ARHGAP6: variants seen among roughly 807,000 people sequenced by gnomAD.
ARHGAP6 encodes the protein rho GTPase-activating protein 6.
In ARHGAP6, 16 loss-of-function variants were observed where a neutral mutation model predicts 55.7. That is an observed-to-expected ratio of 0.29 (90% CI 0.19 to 0.44). The LOEUF (loss-of-function observed/expected upper bound fraction) is 0.44. Ranked by LOEUF, ARHGAP6 falls within the 20% of genes least tolerant of loss-of-function variation. The probability of loss-of-function intolerance (pLI) is 1.00; values close to 1 mark genes in which losing one functional copy is unlikely to be tolerated. For missense variants in ARHGAP6, 698 were observed against 808.9 expected, an observed-to-expected ratio of 0.86 and a Z score of 1.66; for synonymous variants, 382 against 360.9, an observed-to-expected ratio of 1.06 and a Z score of -0.66.
intron 2 of ARHGAP6, among the ~76,000 whole-genome samples, chrX:11,216,628 ACATTTCAC>A (rs1441540638): frequency 8.9e-6 from 1 of 112,647 alleles, no homozygotes. Context: ...TCTATGCAGA[ACATTTCAC>A]CATTTCACAT....
intron 8 of ARHGAP6, among the ~76,000 whole-genome samples, chrX:11,173,867 G>T (rs1486533802): frequency 4.5e-5 from 5 of 111,385 alleles, no homozygotes; most frequent in Non-Finnish European, 9.4e-5. Context: ...CTTTCATAAA[G>T]ACAAGTTATG....
At chrX:11,193,018 T>C (rs1285612481) in intron 3 of ARHGAP6, among the ~76,000 whole-genome samples, 1 of 112,683 alleles carries the variant, frequency 8.9e-6, no homozygotes, top group Admixed American at 9.4e-5. Flanking sequence ...GAAAATATGT[T>C]TTCTGATCAG....
chrX:11,457,922 G>A (rs777700915), intron 1 of ARHGAP6, among the ~76,000 whole-genome samples: 1 of 111,780 alleles, frequency 8.9e-6, no homozygotes, highest in East Asian at 2.8e-4. Context: ...CTGTGTTCCT[G>A]CAGTTACCTC....
intron 1 of ARHGAP6, among the ~76,000 whole-genome samples, chrX:11,444,114 A>G (rs1424154626): frequency 8.9e-6 from 1 of 112,057 alleles, no homozygotes; most frequent in East Asian, 2.8e-4. Context: ...ACATTTCCCT[A>G]TAAAGGGCCA....
At chrX:11,456,159 CA>C (rs2050192151) in intron 1 of ARHGAP6, among the ~76,000 whole-genome samples, 1 of 111,457 alleles carries the variant, frequency 9.0e-6, no homozygotes, top group Admixed American at 9.6e-5. Context: ...TCAAAATATG[CA>C]ATATTTTATG....
intron 2 of ARHGAP6, among the ~76,000 whole-genome samples, chrX:11,203,833 AGTCCT>A (rs1449189781): frequency 8.9e-6 from 1 of 111,767 alleles, no homozygotes; most frequent in African/African-American, 3.3e-5. Flanking sequence ...TTTCCACTCA[AGTCCT>A]TCAGCCTACA....
chrX:11,596,521 A>G (rs1378790255), intron 1 of ARHGAP6, among the ~76,000 whole-genome samples: 1 of 111,465 alleles, frequency 9.0e-6, no homozygotes, highest in Non-Finnish European at 1.9e-5. Flanking sequence ...GTGTATACCT[A>G]TGTAACAAAA....
intron 1 of ARHGAP6, among the ~76,000 whole-genome samples, chrX:11,643,958 C>T (rs1476739095): frequency 8.9e-6 from 1 of 111,742 alleles, no homozygotes; most frequent in African/African-American, 3.2e-5. Flanking sequence ...ACACTCTTTC[C>T]ACATCAACCA....
At chrX:11,417,328 G>T (rs2049765522) in intron 1 of ARHGAP6, among the ~76,000 whole-genome samples, 1 of 107,481 alleles carries the variant, frequency 9.3e-6, no homozygotes, top group African/African-American at 3.4e-5. Context: ...TTCAGGATGA[G>T]GGCAGGAGTA....
chrX:11,169,729 C>G (rs367615200), intron 8 of ARHGAP6, 45 bp from the exon 9 acceptor site: 2 of 982,665 alleles, frequency 2.0e-6, no homozygotes, highest in South Asian at 3.1e-5. Context: ...GTTTGCCTTT[C>G]AAGATACTGG....
At chrX:11,178,291 A>G in intron 7 of ARHGAP6, 43 bp from the exon 8 acceptor site, 5 of 1,158,416 alleles carry the variant, frequency 4.3e-6, no homozygotes, top group Non-Finnish European at 4.6e-6. Context: ...AGGGGAGCCC[A>G]TACTATTCAG....
intron 1 of ARHGAP6, among the ~76,000 whole-genome samples, chrX:11,453,181 GCTCTCT>G (rs747022432): frequency 2.2e-5 from 2 of 90,578 alleles, no homozygotes; most frequent in Non-Finnish European, 4.4e-5. Flanking sequence ...TGTGGAATTG[GCTCTCT>G]CTCTCTCTAT....
chrX:11,202,676 T>C (rs2046646449), intron 2 of ARHGAP6, among the ~76,000 whole-genome samples: 1 of 106,347 alleles, frequency 9.4e-6, no homozygotes, highest in African/African-American at 3.4e-5. Flanking sequence ...GGTGTGATTG[T>C]GGGCGCCTTT....
At chrX:11,239,053 T>G (rs2047240225) in intron 2 of ARHGAP6, among the ~76,000 whole-genome samples, 1 of 111,644 alleles carries the variant, frequency 9.0e-6, no homozygotes, top group Non-Finnish European at 1.9e-5. Flanking sequence ...CTGAGTGAAG[T>G]CTATAGTTTT....
intron 1 of ARHGAP6, among the ~76,000 whole-genome samples, chrX:11,599,765 C>T (rs5935123): frequency 0.031 from 3,412 of 111,291 alleles, 70 homozygotes; most frequent in Middle Eastern, 0.07. Context: ...GGGATAGATC[C>T]TAAGTGTTCT....
intron 3 of ARHGAP6, among the ~76,000 whole-genome samples, chrX:11,191,572 C>T (rs1219344563): frequency 8.9e-6 from 1 of 111,787 alleles, no homozygotes; most frequent in Non-Finnish European, 1.9e-5. Context: ...TCGACCCACT[C>T]TTTTCTTTTC....
chrX:11,179,165 C>T, intron 7 of ARHGAP6, 137 bp downstream of exon 7: 1 of 604,568 alleles, frequency 1.7e-6, no homozygotes. Flanking sequence ...GAGAAATTCC[C>T]TCAAATAGCT....
At chrX:11,193,418 G>T (rs1043713687) in intron 3 of ARHGAP6, among the ~76,000 whole-genome samples, 5 of 112,673 alleles carry the variant, frequency 4.4e-5, no homozygotes, top group African/African-American at 1.6e-4. Flanking sequence ...GTGCCAGACC[G>T]GCACCCCGTC....
At chrX:11,211,800 C>G (rs1309026446) in intron 2 of ARHGAP6, among the ~76,000 whole-genome samples, 2 of 112,224 alleles carry the variant, frequency 1.8e-5, no homozygotes, top group African/African-American at 6.5e-5. Flanking sequence ...CTTGGCCTCC[C>G]AAAGTGCTGG....
Sources: allele counts gnomAD v4.1 joint callset (sites outside exome capture counted in the v4.1 genomes callset), GRCh38; gene constraint gnomAD v4.1.1; transcripts MANE v1.5; gene names NCBI Gene and HGNC (gene_info 2026-07-23, HGNC 2026-07-21).